The following SFXN5 variants were observed in gnomAD, a reference collection of about 807,000 sequenced individuals.
SFXN5 encodes sideroflexin 5.
In SFXN5, 43 loss-of-function variants were observed where a neutral mutation model predicts 50.2. The observed-to-expected ratio is 0.86, with a 90% CI of 0.67 to 1.11. The LOEUF is 1.11. SFXN5 is among the 50% of genes least tolerant of loss of function. SFXN5 has a pLI of 0.00. For missense variants in SFXN5, 463 were observed against 454.1 expected (o/e 1.02, Z -0.18); for synonymous variants, 203 against 185.8 (o/e 1.09, Z -0.75).
intron 6 of SFXN5, among the ~76,000 whole-genome samples, chr2:73,002,236 G>C (rs1674005840): frequency 6.6e-6 from 1 of 152,174 alleles, no homozygotes; most frequent in Non-Finnish European, 1.5e-5. Context: ...AGAAAGGAAT[G>C]AATGAAGAAA....
At chr2:73,051,704 A>C (rs1186008681) in intron 2 of SFXN5, among the ~76,000 whole-genome samples, 1 of 152,202 alleles carries the variant, frequency 6.6e-6, no homozygotes, top group Non-Finnish European at 1.5e-5. Flanking sequence ...ATAACAGAAT[A>C]CCACAGGCGG....
At chr2:73,004,961 G>T (rs867097396) in intron 6 of SFXN5, among the ~76,000 whole-genome samples, 34 of 152,148 alleles carry the variant, frequency 2.2e-4, no homozygotes, top group Non-Finnish European at 1.3e-4. Flanking sequence ...ATTCCCTCCC[G>T]CTGCCCTTTC....
chr2:73,021,821 T>C (rs1676938626), intron 5 of SFXN5, among the ~76,000 whole-genome samples: 1 of 152,214 alleles, frequency 6.6e-6, no homozygotes, highest in South Asian at 2.1e-4. Flanking sequence ...AGTGTGACTC[T>C]GCAGAGTCTC....
chr2:72,970,492 G>A (rs144377464), intron 11 of SFXN5, among the ~76,000 whole-genome samples: 1 of 152,294 alleles, frequency 6.6e-6, no homozygotes, highest in African/African-American at 2.4e-5. Context: ...AAGGCTTGGG[G>A]GCCCTGGTGG....
At chr2:73,071,478 T>C (rs1683615496) in intron 1 of SFXN5, 126 bp downstream of exon 1, 1 of 805,910 alleles carries the variant, frequency 1.2e-6, no homozygotes. Context: ...GTTCCCCCCC[T>C]GGCGCTAGCT....
chr2:73,032,957 G>C (rs928882310), intron 3 of SFXN5, among the ~76,000 whole-genome samples: 3 of 152,156 alleles, frequency 2.0e-5, no homozygotes, highest in African/African-American at 7.2e-5. Context: ...CAATTCTACA[G>C]ACTCACGAAA....
In SFXN5 at chr2:73,071,373, G is replaced by A. The variant is rs1489283035; in HGVS notation, c.102+231C>T. 4 of 530,056 alleles carry A rather than the reference G, an allele frequency of 7.5e-6. No homozygotes were observed. The African/African-American group carries it at 7.9e-5, about 10-fold the overall frequency. 32.8% of individuals were successfully genotyped at this position (530,056 alleles called of 1,614,324 possible). A position where few individuals can be genotyped will look rare whatever the true frequency, so the allele number is the denominator to read the frequency against. ...CGGGAAAGGCTAGAGGGCGCGGGCA[G>A]TCGGGGAGTGACGGCGCCAAGGGCC... is the stretch of plus-strand genomic sequence containing the variant. On this transcript the variant is annotated intron_variant, in intron 1 of 13. Coordinates refer to ENST00000272433, the MANE Select transcript of SFXN5 (RefSeq NM_144579.3).
chr2:72,953,248 C>T lies in SFXN5; in HGVS notation c.945+7883G>A, dbSNP rs1240966576. ...CTGTGGGCAAACTCCAAGAAAGCAG[C>T]GGGCGGGGAGGCAGCAGATTTCTGA... On this transcript the variant is annotated intron_variant, in intron 13 of 13. Transcript: ENST00000272433. The surrounding 1 kb of genome is among the most constrained non-coding windows in gnomAD (Gnocchi z 4.1). Among the ~76,000 whole-genome samples, 4 of 152,092 alleles carry T rather than the reference C, an allele frequency of 2.6e-5. No homozygotes were observed. Among genetic ancestry groups the T allele is most frequent in the African/African-American group, 9.7e-5 (4 of 41,380 alleles).
At chr2:73,004,315 G>GCGCACACACACACACA (rs777120545) in intron 6 of SFXN5, among the ~76,000 whole-genome samples, 1 of 115,556 alleles carries the variant, frequency 8.7e-6, no homozygotes, top group African/African-American at 2.7e-5. Flanking sequence ...GAGTGCGCGC[G>GCGCACACACACACACA]CACACACACA....
chr2:73,023,622 T>G (rs1322350100), intron 3 of SFXN5, among the ~76,000 whole-genome samples: 1 of 152,162 alleles, frequency 6.6e-6, no homozygotes, highest in Non-Finnish European at 1.5e-5. Context: ...CATAATATAA[T>G]TTTTTCAGAG....
chr2:72,963,248 G>C (rs778280171), intron 12 of SFXN5, among the ~76,000 whole-genome samples: 34 of 152,212 alleles, frequency 2.2e-4, no homozygotes, highest in Non-Finnish European at 3.1e-4. Flanking sequence ...GAGCAGTGAA[G>C]GGTGAGAAAA....
intron 6 of SFXN5, among the ~76,000 whole-genome samples, chr2:73,010,445 A>G (rs143879155): frequency 6.6e-6 from 1 of 152,352 alleles, no homozygotes; most frequent in African/African-American, 2.4e-5. Context: ...TTACAATAGA[A>G]GCCAGTACTG....
chr2:73,020,028 T>G, intron 6 of SFXN5: 1 of 550,214 alleles, frequency 1.8e-6, no homozygotes, highest in Non-Finnish European at 3.2e-6. Flanking sequence ...CAACGCTGGA[T>G]TTAAGTCATC....
At chr2:73,065,471 G>T (rs1559223521) in intron 1 of SFXN5, among the ~76,000 whole-genome samples, 1 of 152,076 alleles carries the variant, frequency 6.6e-6, no homozygotes, top group Non-Finnish European at 1.5e-5. Context: ...TGCAATCTCG[G>T]CTCACTGCAA....
chr2:72,959,944 G>T lies in SFXN5; in HGVS notation c.945+1187C>A, dbSNP rs181787136. Among the ~76,000 whole-genome samples the T allele has an allele frequency of 9.9e-5, 15 of 152,156 alleles. No individual in the cohort carries two copies. In the East Asian group the frequency reaches 2.1e-3, roughly 22 times the overall value. ...TTCTCTGGGGACAGGGTTTGGCTACGTTGCCTGAGACACTAATGGATACTC... is the reference window on the plus strand; with the variant it reads ...TTCTCTGGGGACAGGGTTTGGCTACTTTGCCTGAGACACTAATGGATACTC... On this transcript the variant is annotated intron_variant, in intron 13 of 13. Transcript: ENST00000272433.
At chr2:72,980,821 G>C (rs1284185184) in intron 10 of SFXN5, among the ~76,000 whole-genome samples, 2 of 151,684 alleles carry the variant, frequency 1.3e-5, no homozygotes, top group Non-Finnish European at 2.9e-5. Context: ...TTCCCCAGCA[G>C]GCCAGGCCAG....
intron 6 of SFXN5, among the ~76,000 whole-genome samples, chr2:73,005,496 C>T (rs1006271789): frequency 2.8e-4 from 42 of 152,330 alleles, no homozygotes; most frequent in Non-Finnish European, 5.6e-4. Context: ...AATCCCAGTA[C>T]CTCTCAGGAT....
chr2:73,068,197 C>T (rs1336121705), intron 1 of SFXN5, among the ~76,000 whole-genome samples: 1 of 152,174 alleles, frequency 6.6e-6, no homozygotes, highest in Non-Finnish European at 1.5e-5. Flanking sequence ...CTGCAGAAAG[C>T]GGTGAGATTA....
rs1238690206 is a variant in SFXN5, at chr2:72,960,878, T to C, written c.945+253A>G. Among the ~76,000 whole-genome samples, 1 of 152,216 alleles carries C rather than the reference T, an allele frequency of 6.6e-6. No individual in the cohort carries two copies. The highest frequency in any genetic ancestry group is 6.5e-5 in the Admixed American group (1 of 15,288). On this transcript the variant is annotated intron_variant, in intron 13 of 13. Transcript: ENST00000272433. The surrounding 1 kb of genome is among the most constrained non-coding windows in gnomAD (Gnocchi z 6.1). The stretch of plus-strand genomic sequence containing the variant: ...TCCCTCTAGGCTCAGTTTGGTCTGC[T>C]GTCTCCTTCCACACCCAGTGGAGCT...
Sources: allele counts gnomAD v4.1 joint callset (sites outside exome capture counted in the v4.1 genomes callset), GRCh38; gene constraint gnomAD v4.1.1; non-coding constraint Gnocchi (gnomAD v3.1); transcripts MANE v1.5; gene names NCBI Gene and HGNC (gene_info 2026-07-23, HGNC 2026-07-21).